Variants in CELF2 observed in about 807,000 individuals in gnomAD.
The protein encoded by CELF2 is CUGBP Elav-like family member 2, also known as CUG triplet repeat RNA-binding protein 2.
CELF2 carries 8 observed loss-of-function variants against 62.6 expected under a neutral mutation model. The observed-to-expected ratio is 0.13, with a 90% CI of 0.07 to 0.23. The LOEUF is 0.23. Among genes scored for constraint, CELF2 ranks in the 10% least tolerant of loss-of-function variants. The pLI, the probability that CELF2 is intolerant of heterozygous loss-of-function variation, is 1.00. For synonymous variants in CELF2, 258 were observed against 250.0 expected, an observed-to-expected ratio of 1.03 and a Z score of -0.30; for missense variants, 333 against 671.0, an observed-to-expected ratio of 0.50 and a Z score of 5.56.
At chr10:10,890,927 A>C (rs1368463882) in intron 1 of CELF2, among the ~76,000 whole-genome samples, 1 of 152,176 alleles carries the variant, frequency 6.6e-6, no homozygotes, top group African/African-American at 2.4e-5. Flanking sequence ...AGGCAGGAGA[A>C]TCACTTGAAC....
In CELF2 at chr10:11,114,735, A is replaced by G. The variant is rs545029801; in HGVS notation, c.75-50751A>G. On this transcript the variant is annotated intron_variant, in intron 1 of 12. Transcript: ENST00000633077. ...ACTTGAGAAATTGAAATGTATCCTA[A>G]CATATTAAACTTCACAAAGATGTTT... 7.2e-5 allele frequency among the ~76,000 whole-genome samples: 11 copies of G among 152,360 alleles called. 1 individual carries two copies. In the South Asian group the frequency reaches 2.3e-3, roughly 32 times the overall value.
intron 1 of CELF2, among the ~76,000 whole-genome samples, chr10:11,076,784 T>C (rs1216429017): frequency 6.6e-6 from 1 of 152,314 alleles, no homozygotes; most frequent in East Asian, 1.9e-4. Context: ...CTTAGGAAAA[T>C]TTAAATCACC....
chr10:11,070,243 C>G (rs1237173147), intron 1 of CELF2, among the ~76,000 whole-genome samples: 1 of 152,044 alleles, frequency 6.6e-6, no homozygotes, highest in Non-Finnish European at 1.5e-5. Flanking sequence ...ATGCAAAGGA[C>G]TCAGGGTAGG....
intron 4 of CELF2, among the ~76,000 whole-genome samples, chr10:11,251,446 G>A (rs2077128419): frequency 6.6e-6 from 1 of 151,942 alleles, no homozygotes; most frequent in Non-Finnish European, 1.5e-5. Flanking sequence ...TAGAATCACA[G>A]CACATAATAA....
chr10:10,804,124 G>A (rs1043620504), intron 1 of CELF2, among the ~76,000 whole-genome samples: 18 of 152,184 alleles, frequency 1.2e-4, no homozygotes, highest in African/African-American at 4.3e-4. Flanking sequence ...TGTTGAGGTG[G>A]AATTTATTCT....
At chr10:11,067,247 T>A (rs563264708) in intron 1 of CELF2, among the ~76,000 whole-genome samples, 49 of 152,348 alleles carry the variant, frequency 3.2e-4, no homozygotes, top group African/African-American at 1.2e-3. Context: ...GTGTACATAT[T>A]TGGCAGATTA....
chr10:11,290,097 G>A lies in CELF2; in HGVS notation c.976+1545G>A, dbSNP rs2092271196. Among the ~76,000 whole-genome samples, 1 of 152,134 alleles carries A rather than the reference G, an allele frequency of 6.6e-6. No homozygotes were observed. The highest frequency in any genetic ancestry group is 2.4e-5 in the African/African-American group (1 of 41,424). On this transcript the variant is annotated intron_variant, in intron 9 of 12. Transcript: ENST00000633077. This position sits in a 1 kb window ranked among gnomAD's most constrained non-coding sequence, Gnocchi z 4.3. ...ATGCAGAAGCAGCTGTCGGCTGATT[G>A]GTGTAGCTAAGATAACTCAAAAATC...
chr10:10,824,725 G>A (rs531361781), intron 1 of CELF2, among the ~76,000 whole-genome samples: 1 of 152,344 alleles, frequency 6.6e-6, no homozygotes, highest in South Asian at 2.1e-4. Flanking sequence ...TGCGTGAATT[G>A]CAGCCAGAGG....
chr10:10,663,290 A>G, the CELF2 span, among the ~76,000 whole-genome samples: 1 of 152,224 alleles, frequency 6.6e-6, no homozygotes, highest in Admixed American at 6.5e-5. Flanking sequence ...GCAAGCGGCT[A>G]CAAGTTAATA....
the CELF2 span, among the ~76,000 whole-genome samples, chr10:10,790,351 A>G: frequency 1.3e-5 from 2 of 152,142 alleles, no homozygotes; most frequent in Middle Eastern, 3.2e-3. Context: ...TGTCTCCCTC[A>G]TAATAGTACT....
At chr10:10,621,454 G>T in the CELF2 span, among the ~76,000 whole-genome samples, 4 of 152,206 alleles carry the variant, frequency 2.6e-5, no homozygotes, top group Admixed American at 2.6e-4. Flanking sequence ...CGTAGCATAG[G>T]TCTCCACCCA....
At chr10:10,645,651 C>T in the CELF2 span, among the ~76,000 whole-genome samples, 1 of 152,066 alleles carries the variant, frequency 6.6e-6, no homozygotes, top group Non-Finnish European at 1.5e-5. Flanking sequence ...AAGACTTTGT[C>T]TCAAAAAAAT....
chr10:11,148,661 A>G (rs370567729), intron 1 of CELF2, among the ~76,000 whole-genome samples: 1 of 152,172 alleles, frequency 6.6e-6, no homozygotes, highest in African/African-American at 2.4e-5. Flanking sequence ...TTAAGGACCC[A>G]TTTAGAGTAG....
At position 10,945,149 on chromosome 10, in the gene CELF2, C is replaced by T. The variant is rs115817369; in HGVS notation, c.89+25150C>T. 8.3e-3 allele frequency among the ~76,000 whole-genome samples: 1,256 copies of T among 152,238 alleles called. 18 individuals are homozygous for T. The highest frequency in any genetic ancestry group is 0.029 in the African/African-American group (1,196 of 41,542). ...GAGTCTTAGACATTCAGCCTAAGAA[C>T]GGATGGGAGCCGTAGGTGCTAACCC... is the stretch of plus-strand genomic sequence containing the variant. On this transcript the variant is annotated intron_variant, in intron 2 of 13. Coordinates refer to the CELF2 transcript ENST00000636488.
the CELF2 span, among the ~76,000 whole-genome samples, chr10:10,602,999 A>G: frequency 6.6e-6 from 1 of 152,206 alleles, no homozygotes; most frequent in South Asian, 2.1e-4. Flanking sequence ...ACAAAGAGGG[A>G]AAGTACATTA....
chr10:10,876,099 C>G (rs141704254), intron 1 of CELF2, among the ~76,000 whole-genome samples: 2 of 152,304 alleles, frequency 1.3e-5, no homozygotes, highest in East Asian at 3.9e-4. Flanking sequence ...TCACAGGTGT[C>G]AGCTGGGCAG....
chr10:11,083,645 G>A (rs2074628833), intron 1 of CELF2, among the ~76,000 whole-genome samples: 1 of 152,090 alleles, frequency 6.6e-6, no homozygotes, highest in African/African-American at 2.4e-5. Flanking sequence ...CCTGCAATGG[G>A]TGATGCATGT....
chr10:10,977,858 G>A (rs1055638270), intron 2 of CELF2, among the ~76,000 whole-genome samples: 4 of 152,096 alleles, frequency 2.6e-5, no homozygotes, highest in Non-Finnish European at 5.9e-5. Context: ...ACAGTAAAAG[G>A]GGCATCTTGA....
the CELF2 span, among the ~76,000 whole-genome samples, chr10:10,523,598 GA>G: frequency 6.6e-6 from 1 of 152,192 alleles, no homozygotes; most frequent in Non-Finnish European, 1.5e-5. Flanking sequence ...ATCTAAATTA[GA>G]AGTAAGTTGA....
Sources: allele counts gnomAD v4.1 joint callset (sites outside exome capture counted in the v4.1 genomes callset), GRCh38; gene constraint gnomAD v4.1.1; non-coding constraint Gnocchi (gnomAD v3.1); transcripts MANE v1.5; gene names NCBI Gene and HGNC (gene_info 2026-07-23, HGNC 2026-07-21).